ZNF217: variants seen among roughly 807,000 people sequenced by gnomAD.
ZNF217 encodes zinc finger protein 217.
ZNF217 carries 12 observed loss-of-function variants against 73.3 expected under a neutral mutation model. That is an observed-to-expected ratio of 0.16 (90% CI 0.10 to 0.27). The LOEUF (loss-of-function observed/expected upper bound fraction) is 0.27, where lower values mean the gene tolerates loss of function less well. ZNF217 is among the 10% of genes least tolerant of loss of function. The probability of loss-of-function intolerance (pLI) is 1.00; values close to 1 mark genes in which losing one functional copy is unlikely to be tolerated. For missense variants in ZNF217, 1,195 were observed against 1,327.8 expected (o/e 0.90, Z 1.55); for synonymous variants, 588 against 516.4 (o/e 1.14, Z -1.88).
chr20:53,581,624 C>T lies in ZNF217; in HGVS notation c.1203G>A (p.Arg401=). 3 of 1,614,228 alleles carry T rather than the reference C, an allele frequency of 1.9e-6. No homozygotes were observed. Among genetic ancestry groups the T allele is most frequent in the Non-Finnish European group, 2.5e-6 (3 of 1,180,034 alleles). ...TGGTGGGCGACTCCGCGCCGGCCCT[C>T]CGGTCCTTCTTGTGGACCCTGGAGT... ...VLHSRVHKKD[R]RAGAESPTMS... Residue 401 remains arginine (R), a synonymous_variant, in exon 2 of 6, where the codon CGG becomes CGA. Transcript: ENST00000371471. The surrounding 1 kb of genome is among the most constrained non-coding windows in gnomAD (Gnocchi z 4.9).
intron 5 of ZNF217, 107 bp from the exon 6 acceptor site, chr20:53,569,371 T>A: frequency 1.3e-6 from 1 of 755,770 alleles, no homozygotes; most frequent in South Asian, 1.9e-5. Context: ...GACCTAGAAA[T>A]GCAATGGGTT....
Position 53,576,907 on chromosome 20 carries a change from G to T in ZNF217, c.1857C>A (p.Thr619=), listed in dbSNP as rs755751414. ...DSADKVNKNP[T]PAYLDLLKKR... ...TTTTTAACAGGTCCAGGTAAGCAGG[G>T]GTAGGGTTTTTATTCACTTTATCAG... The change falls in exon 4 of 6, where the codon ACC becomes ACA. Residue 619 remains threonine, a synonymous_variant. Coordinates refer to ENST00000371471, the MANE Select transcript of ZNF217 (RefSeq NM_006526.3). 3 of 1,614,116 alleles carry T rather than the reference G, an allele frequency of 1.9e-6. No homozygotes were observed. The highest frequency in any genetic ancestry group is 4.5e-5 in the East Asian group (2 of 44,884).
chr20:53,578,236 T>C, intron 3 of ZNF217, 98 bp downstream of exon 3: 1 of 757,186 alleles, frequency 1.3e-6, no homozygotes, highest in South Asian at 1.8e-5. Context: ...CTTAAGCTAG[T>C]CCAAGGATCT....
upstream of ZNF217, among the ~76,000 whole-genome samples, chr20:53,594,166 G>A (rs1206797623): frequency 1.2e-4 from 18 of 151,662 alleles, no homozygotes; most frequent in African/African-American, 4.3e-4. Flanking sequence ...AGGCGCGGGC[G>A]CCCCCTACTC....
intron 1 of ZNF217, among the ~76,000 whole-genome samples, chr20:53,592,847 A>G (rs967358146): frequency 1.8e-4 from 27 of 151,536 alleles, no homozygotes; most frequent in South Asian, 4.2e-4. Context: ...AAAAAAAAAA[A>G]AAAAGAAAAG....
rs1219172028 is a variant in ZNF217, at chr20:53,575,693, C to A, written c.3037+34G>T. On this transcript the variant is annotated intron_variant, in intron 4 of 5. Transcript: ENST00000371471. ...TGGATTAGCTATTAATCACTGTAGG[C>A]AGCCATTTAAACACGACGCCCCTCA... 3.9e-6 allele frequency: 6 copies of A among 1,521,082 alleles called. No individual in the cohort carries two copies. The East Asian group carries it at 1.4e-4, about 34-fold the overall frequency. The allele number at this position is 1,521,082 out of a possible 1,614,324, so 94.2% of individuals were successfully genotyped here.
rs908521079 is a variant in ZNF217 at position 53,581,379 on chromosome 20, T to G, written c.1366+82A>C. On this transcript the variant is annotated intron_variant, in intron 2 of 5. Transcript: ENST00000371471. The surrounding 1 kb of genome is among the most constrained non-coding windows in gnomAD (Gnocchi z 4.9). ...AACCCCATTCCTGGCCAGCGTTGTC[T>G]GGAGATGGGAATAGAGAGGGGGAGA... 6.6e-7 allele frequency: 1 copy of G among 1,507,244 alleles called. No homozygotes were observed. Among genetic ancestry groups the G allele is most frequent in the Non-Finnish European group, 8.8e-7 (1 of 1,132,866 alleles). The allele number at this position is 1,507,244 out of a possible 1,614,324, so 93.4% of individuals were successfully genotyped here. A position where few individuals can be genotyped will look rare whatever the true frequency, so the allele number is the denominator to read the frequency against.
rs1987804798 is a variant in ZNF217 at position 53,567,695 on chromosome 20, A to C, written c.*1593T>G. The C allele has an allele frequency of 1.3e-5, 2 of 152,636 alleles. No individual in the cohort carries two copies. Among genetic ancestry groups the C allele is most frequent in the Non-Finnish European group, 2.9e-5 (2 of 68,044 alleles). 9.5% of individuals were successfully genotyped at this position (152,636 alleles called of 1,614,324 possible). ...ACATATGGCTCAGCTTGTGAACAGG[A>C]AAAAAGGTCAATAGTGTACACTTTC... On this transcript the variant is annotated 3_prime_UTR_variant, in exon 6 of 6. Transcript: ENST00000371471.
Position 53,569,211 on chromosome 20 carries a change from A to T in ZNF217, c.*77T>A. ...GTAGCTTTCACCATTCGCTTCTCAA[A>T]GGATGAAGTAAAATTTAATTTCATG... On this transcript the variant is annotated 3_prime_UTR_variant, in exon 6 of 6. Transcript: ENST00000371471. The T allele has an allele frequency of 7.4e-7, 1 of 1,351,482 alleles. No individual in the cohort carries two copies. Among genetic ancestry groups the T allele is most frequent in the Non-Finnish European group, 9.9e-7 (1 of 1,014,358 alleles). 83.7% of individuals were successfully genotyped at this position (1,351,482 alleles called of 1,614,324 possible).
At chr20:53,579,715 A>G (rs1453108815) in intron 2 of ZNF217, among the ~76,000 whole-genome samples, 1 of 152,206 alleles carries the variant, frequency 6.6e-6, no homozygotes, top group Non-Finnish European at 1.5e-5. Flanking sequence ...CTTTACAGTT[A>G]TATTTTTTAA....
rs1987822987 is a variant in ZNF217, at chr20:53,568,126, C to A, written c.*1162G>T. ...TGGGAAAATAACTGAGGTCTAGAAA[C>A]AGATTTTCTCTTTCTAGACTCCCAG... On this transcript the variant is annotated 3_prime_UTR_variant, in exon 6 of 6. Transcript: ENST00000371471. 1 of 152,164 alleles carries A rather than the reference C, an allele frequency of 6.6e-6. No individual in the cohort carries two copies. Among genetic ancestry groups the A allele is most frequent in the Non-Finnish European group, 1.5e-5 (1 of 68,032 alleles). 9.4% of individuals were successfully genotyped at this position (152,164 alleles called of 1,614,324 possible).
Position 53,581,425 on chromosome 20 carries a change from G to C in ZNF217, c.1366+36C>G. 6.4e-7 allele frequency: 1 copy of C among 1,562,704 alleles called. No individual in the cohort carries two copies. The highest frequency in any genetic ancestry group is 8.7e-7 in the Non-Finnish European group (1 of 1,152,648). On this transcript the variant is annotated intron_variant, in intron 2 of 5. Transcript: ENST00000371471. This position sits in a 1 kb window ranked among gnomAD's most constrained non-coding sequence, Gnocchi z 4.9. The stretch of plus-strand genomic sequence containing the variant: ...GGAGACGGGGAGACAGACAGACACA[G>C]GCGGAACAGCACGGGACGGAGACAG...
chr20:53,571,449 C>G (rs946654861), intron 5 of ZNF217, among the ~76,000 whole-genome samples: 7 of 132,806 alleles, frequency 5.3e-5, no homozygotes, highest in African/African-American at 8.5e-5. Flanking sequence ...GTCACCCAGG[C>G]TAGACCTGCA....
chr20:53,569,932 A>G (rs1203621967), intron 5 of ZNF217, among the ~76,000 whole-genome samples: 1 of 152,056 alleles, frequency 6.6e-6, no homozygotes, highest in African/African-American at 2.4e-5. Context: ...TGCACTCCAG[A>G]CCCTGTCTCA....
In ZNF217 at chr20:53,575,723, A is replaced by G. The variant is rs1425370833; in HGVS notation, c.3037+4T>C. 4.5e-6 allele frequency: 7 copies of G among 1,561,610 alleles called. No individual in the cohort carries two copies. In the Admixed American group the frequency reaches 5.7e-5, roughly 13 times the overall value. ...ATTTAAACACGACGCCCCTCATGCA[A>G]TACCTTCTAACGTCGAGCTGGATGC... On this transcript the variant is annotated splice_donor_region_variant and intron_variant, in intron 4 of 5. Transcript: ENST00000371471.
At chr20:53,571,488 G>A (rs937754173) in intron 5 of ZNF217, among the ~76,000 whole-genome samples, 6 of 131,586 alleles carry the variant, frequency 4.6e-5, no homozygotes, top group Admixed American at 3.8e-4. Flanking sequence ...TGCAACCTCC[G>A]CCTCCTGGGT....
rs1987841466 is a variant in ZNF217, at chr20:53,568,495, C to G, written c.*793G>C. The G allele has an allele frequency of 6.6e-6, 1 of 152,130 alleles. No homozygotes were observed. Among genetic ancestry groups the G allele is most frequent in the Non-Finnish European group, 1.5e-5 (1 of 68,030 alleles). 9.4% of individuals were successfully genotyped at this position (152,130 alleles called of 1,614,324 possible). A position where few individuals can be genotyped will look rare whatever the true frequency, so the allele number is the denominator to read the frequency against. On this transcript the variant is annotated 3_prime_UTR_variant, in exon 6 of 6. Coordinates refer to ENST00000371471, the MANE Select transcript of ZNF217 (RefSeq NM_006526.3). ...GAAAATGCTTGTCTGTAGACACACT[C>G]TCTTAAAAATCCTACAAGCCATCCC...
At position 53,571,767 on chromosome 20, in the gene ZNF217, G is replaced by A. The variant is rs1988020717; in HGVS notation, c.3124C>T (p.Arg1042Ter). The A allele has an allele frequency of 6.2e-7, 1 of 1,611,216 alleles. No individual in the cohort carries two copies. The highest frequency in any genetic ancestry group is 8.5e-7 in the Non-Finnish European group (1 of 1,179,002). ...YENFIGNAHY[R>*]PNDKKT Reference sequence around the variant, plus strand: ...AATCAAGTTTTTTTGTCATTTGGTCGATAATGTGCATTCCCAATAAAATTC... The same window carrying A: ...AATCAAGTTTTTTTGTCATTTGGTCAATAATGTGCATTCCCAATAAAATTC... The change falls in exon 5 of 6, where the codon CGA becomes TGA. Residue 1042 changes from arginine (R) to a stop codon, truncating the protein, a stop_gained. Transcript: ENST00000371471. LOFTEE classifies it high-confidence loss of function.
Position 53,577,138 on chromosome 20 carries a change from A to C in ZNF217, c.1626T>G (p.Thr542=). The C allele has an allele frequency of 6.2e-7, 1 of 1,614,154 alleles. No homozygotes were observed. Among genetic ancestry groups the C allele is most frequent in the East Asian group, 2.2e-5 (1 of 44,880 alleles). The part of the protein sequence containing the change: ...EVKNDGKNQD[T]EDALLTADSA... ...TGTCAGCGGTTAATAGTGCATCTTC[A>C]GTGTCCTGATTTTTACCATCGTTCT... The change falls in exon 4 of 6, where the codon ACT becomes ACG. Residue 542 remains threonine (T), a synonymous_variant. Transcript: ENST00000371471.
Sources: gnomAD v4.1 joint callset for allele counts (sites outside exome capture counted in the v4.1 genomes callset) on GRCh38, gnomAD v4.1.1 for gene constraint, Gnocchi (gnomAD v3.1) non-coding constraint, MANE v1.5 for transcripts, NCBI Gene and HGNC (gene_info 2026-07-23, HGNC 2026-07-21) for gene names.